The following EXTL3 variants were observed in gnomAD, a reference collection of about 807,000 sequenced individuals.
The protein encoded by EXTL3 is exostosin-like 3.
A neutral mutation model predicts 69.3 loss-of-function variants in EXTL3; 27 were observed. The observed-to-expected ratio is 0.39, with a 90% CI of 0.29 to 0.54. The LOEUF (loss-of-function observed/expected upper bound fraction) is 0.54. EXTL3 is among the 20% of genes least tolerant of loss of function. The pLI is 0.69. For missense variants in EXTL3, 1,003 were observed against 1,231.8 expected, an observed-to-expected ratio of 0.81 and a Z score of 2.78; for synonymous variants, 511 against 499.4, an observed-to-expected ratio of 1.02 and a Z score of -0.31.
chr8:28,652,686 CAT>C lies in EXTL3; in HGVS notation c.-53+29890_-53+29891del, dbSNP rs3051956. ...ATATATAGATATATTTATATATAGC[CAT>C]ATATATATATATAGCCATCTTAGGT... On this transcript the variant is annotated intron_variant, in intron 1 of 6. Coordinates refer to the EXTL3 transcript ENST00000523149. Among the ~76,000 whole-genome samples the C allele has an allele frequency of 1.0e-4, 15 of 148,992 alleles. No homozygotes were observed. The East Asian group carries it at 1.8e-3, about 18-fold the overall frequency.
At chr8:28,629,408 G>A (rs1178723924) in intron 1 of EXTL3, among the ~76,000 whole-genome samples, 18 of 150,532 alleles carry the variant, frequency 1.2e-4, no homozygotes, top group African/African-American at 4.5e-4. Flanking sequence ...GTTAGAGTGA[G>A]TTAGTTCATT....
chr8:28,725,984 C>G (rs1400366483), intron 3 of EXTL3, among the ~76,000 whole-genome samples: 1 of 145,262 alleles, frequency 6.9e-6, no homozygotes, highest in Non-Finnish European at 1.5e-5. Flanking sequence ...GAGATGGAGT[C>G]TCGCTCTCTC....
intron 1 of EXTL3, among the ~76,000 whole-genome samples, chr8:28,706,081 C>A (rs1428121396): frequency 6.6e-6 from 1 of 152,136 alleles, no homozygotes; most frequent in Non-Finnish European, 1.5e-5. Context: ...TGAAAAGCTT[C>A]CTAATGGTAT....
intron 4 of EXTL3, among the ~76,000 whole-genome samples, chr8:28,732,436 T>A (rs1464987362): frequency 1.4e-4 from 22 of 152,232 alleles, no homozygotes; most frequent in Non-Finnish European, 2.9e-4. Context: ...CTCATTTAAG[T>A]GTACAATTCA....
In EXTL3 at chr8:28,717,131, C is replaced by T. The variant is rs1801171570; in HGVS notation, c.1072C>T (p.Gln358Ter). The T allele has an allele frequency of 6.2e-7, 1 of 1,614,122 alleles. No homozygotes were observed. The highest frequency in any genetic ancestry group is 1.3e-5 in the African/African-American group (1 of 74,934). Residue 358 changes from glutamine to a stop codon, truncating the protein, a stop_gained, in exon 3 of 7, where the codon CAG becomes TAG. Transcript: ENST00000220562. LOFTEE classifies it high-confidence loss of function. The surrounding 1 kb of genome is among the most constrained non-coding windows in gnomAD (Gnocchi z 8.3). ...GATTGAGTCTCTGAGGTCTAGCCTTCAGGAGGCCCGCTCCTTCGAAGAGGA... is the reference window on the plus strand; with the variant it reads ...GATTGAGTCTCTGAGGTCTAGCCTTTAGGAGGCCCGCTCCTTCGAAGAGGA... ...EKIESLRSSLQEARSFEEEME... is the reference protein window; with the variant it reads ...EKIESLRSSL
At chr8:28,670,043 G>A (rs1374570078) in intron 1 of EXTL3, among the ~76,000 whole-genome samples, 4 of 151,696 alleles carry the variant, frequency 2.6e-5, no homozygotes, top group Admixed American at 2.0e-4. Context: ...ACCCCGTCTC[G>A]ACCAAAAATA....
chr8:28,731,803 A>G (rs1000248871), intron 4 of EXTL3, among the ~76,000 whole-genome samples: 4 of 152,116 alleles, frequency 2.6e-5, no homozygotes, highest in African/African-American at 9.7e-5. Context: ...CCTGGACCCA[A>G]AAAGATTTGG....
intron 1 of EXTL3, among the ~76,000 whole-genome samples, chr8:28,704,686 T>C (rs1486920824): frequency 6.6e-6 from 1 of 152,202 alleles, no homozygotes; most frequent in Non-Finnish European, 1.5e-5. Context: ...ATTTTTCTAT[T>C]GAGACGGCGT....
Position 28,750,524 on chromosome 8 carries a change from G to C in EXTL3, c.2551-133G>C. ...GGGGCCGGGCTCTGGTTCCTGCCAT[G>C]CTCTGCAGGGATGTTGCCCCTGAGG... On this transcript the variant is annotated intron_variant, in intron 6 of 6. Coordinates refer to ENST00000220562, the MANE Select transcript of EXTL3 (RefSeq NM_001440.4). The surrounding 1 kb of genome is among the most constrained non-coding windows in gnomAD (Gnocchi z 5.2). The C allele has an allele frequency of 3.9e-6, 3 of 759,940 alleles. No homozygotes were observed. Among genetic ancestry groups the C allele is most frequent in the African/African-American group, 1.7e-5 (1 of 58,532 alleles). The allele number at this position is 759,940 out of a possible 1,614,324, so 47.1% of individuals were successfully genotyped here. A position where few individuals can be genotyped will look rare whatever the true frequency, so the allele number is the denominator to read the frequency against.
At chr8:28,654,217 ATTTTT>A (rs1223837015) in intron 1 of EXTL3, among the ~76,000 whole-genome samples, 1 of 152,178 alleles carries the variant, frequency 6.6e-6, no homozygotes, top group Non-Finnish European at 1.5e-5. Flanking sequence ...AGCAGTATTT[ATTTTT>A]AATACCAGAA....
intron 1 of EXTL3, among the ~76,000 whole-genome samples, chr8:28,695,590 T>C (rs2130685537): frequency 6.6e-6 from 1 of 152,338 alleles, no homozygotes; most frequent in Middle Eastern, 3.4e-3. Context: ...TTTCTGAGCT[T>C]ATCACTGTGC....
intron 1 of EXTL3, among the ~76,000 whole-genome samples, chr8:28,666,247 CTCTTTTCTTT>C (rs141174121): frequency 3.3e-5 from 5 of 151,988 alleles, no homozygotes; most frequent in African/African-American, 1.2e-4. Flanking sequence ...TTCTTGCTGT[CTCTTTTCTTT>C]TCTTTTCTTT....
chr8:28,729,284 C>T (rs1174797515), intron 3 of EXTL3, among the ~76,000 whole-genome samples: 1 of 106,368 alleles, frequency 9.4e-6, no homozygotes, highest in Non-Finnish European at 1.8e-5. Flanking sequence ...CACAGTGAGA[C>T]TCTATCTCAA....
intron 1 of EXTL3, among the ~76,000 whole-genome samples, chr8:28,683,362 A>T (rs1807523446): frequency 6.6e-6 from 1 of 151,916 alleles, no homozygotes; most frequent in Non-Finnish European, 1.5e-5. Flanking sequence ...AACAACATTA[A>T]TTTTTCCATT....
chr8:28,643,778 T>C (rs1005293404), intron 1 of EXTL3, among the ~76,000 whole-genome samples: 1 of 152,148 alleles, frequency 6.6e-6, no homozygotes, highest in African/African-American at 2.4e-5. Flanking sequence ...TTTGTTTTTG[T>C]TTTATGATAC....
At chr8:28,714,218 G>C (rs914004827) in intron 2 of EXTL3, among the ~76,000 whole-genome samples, 1 of 151,834 alleles carries the variant, frequency 6.6e-6, no homozygotes, top group Non-Finnish European at 1.5e-5. Flanking sequence ...ATATCCCCTT[G>C]TCTTTAGAAA....
At chr8:28,670,374 T>C (rs891322146) in intron 1 of EXTL3, among the ~76,000 whole-genome samples, 2 of 152,112 alleles carry the variant, frequency 1.3e-5, no homozygotes, top group African/African-American at 2.4e-5. Context: ...CAACAGAGTA[T>C]GTGAGTGTAT....
In EXTL3 at chr8:28,623,039, GCTCGCGGT is replaced by G. The variant is rs950910332; in HGVS notation, c.-53+231_-53+238del. On this transcript the variant is annotated intron_variant, in intron 1 of 6. Coordinates refer to the EXTL3 transcript ENST00000523149. The surrounding 1 kb of genome is among the most constrained non-coding windows in gnomAD (Gnocchi z 4.2). ...GGGCGTCTGGGGCGGGCGATTGCAA[GCTCGCGGT>G]CCATGTCCCCTGCCTCGGAGTGTGG... Among the ~76,000 whole-genome samples the G allele has an allele frequency of 6.6e-6, 1 of 152,084 alleles. No individual in the cohort carries two copies. Among genetic ancestry groups the G allele is most frequent in the Non-Finnish European group, 1.5e-5 (1 of 67,984 alleles).
At chr8:28,655,987 G>A (rs1487605731) in intron 1 of EXTL3, among the ~76,000 whole-genome samples, 2 of 152,136 alleles carry the variant, frequency 1.3e-5, no homozygotes. Context: ...ATGGGTGGGT[G>A]AGAAAGAGCA....
Sources: allele counts gnomAD v4.1 joint callset (sites outside exome capture counted in the v4.1 genomes callset), GRCh38; gene constraint gnomAD v4.1.1; non-coding constraint Gnocchi (gnomAD v3.1); transcripts MANE v1.5; gene names NCBI Gene and HGNC (gene_info 2026-07-23, HGNC 2026-07-21).